RBM20: variants seen among roughly 807,000 people sequenced by gnomAD.
The protein encoded by RBM20 is RNA binding motif protein 20.
RBM20 carries 51 observed loss-of-function variants against 110.1 expected under a neutral mutation model. The ratio of observed to expected loss-of-function variants is 0.46; its 90% CI spans 0.37 to 0.59. The LOEUF (loss-of-function observed/expected upper bound fraction) is 0.59. RBM20 is among the 20% of genes least tolerant of loss of function. The pLI is 0.00. For missense variants in RBM20, 1,512 were observed against 1,574.9 expected (o/e 0.96, Z 0.68); for synonymous variants, 589 against 618.2 (o/e 0.95, Z 0.70).
chr10:110,721,448 C>T (rs566870397), intron 1 of RBM20, among the ~76,000 whole-genome samples: 20 of 152,280 alleles, frequency 1.3e-4, no homozygotes, highest in Admixed American at 1.3e-3. Flanking sequence ...TTGTGAATGC[C>T]GTTTCCCATG....
chr10:110,696,253 C>T (rs1862661887), intron 1 of RBM20, among the ~76,000 whole-genome samples: 1 of 152,194 alleles, frequency 6.6e-6, no homozygotes, highest in Non-Finnish European at 1.5e-5. Context: ...CATTTTAAAT[C>T]TTTAGATGTA....
chr10:110,709,833 A>G (rs1590629896), intron 1 of RBM20, among the ~76,000 whole-genome samples: 1 of 152,112 alleles, frequency 6.6e-6, no homozygotes, highest in Non-Finnish European at 1.5e-5. Context: ...GGCCTCCCAA[A>G]GTTGGGATTA....
intron 8 of RBM20, among the ~76,000 whole-genome samples, chr10:110,812,010 G>A (rs548799418): frequency 6.6e-5 from 10 of 152,198 alleles, no homozygotes; most frequent in Non-Finnish European, 1.5e-4. Flanking sequence ...AATCAGCCCA[G>A]TTCTTCTTCC....
chr10:110,658,749 C>T (rs1862060979), intron 1 of RBM20, among the ~76,000 whole-genome samples: 1 of 152,042 alleles, frequency 6.6e-6, no homozygotes, highest in African/African-American at 2.4e-5. Context: ...AAGGCCTTTC[C>T]AGATCTGCCC....
chr10:110,708,965 C>T (rs945191855), intron 1 of RBM20, among the ~76,000 whole-genome samples: 23 of 152,300 alleles, frequency 1.5e-4, no homozygotes, highest in African/African-American at 4.8e-4. Flanking sequence ...TCCAATTTCA[C>T]GAGGCAGTGA....
chr10:110,736,365 C>T (rs542970837), intron 1 of RBM20, among the ~76,000 whole-genome samples: 4 of 148,272 alleles, frequency 2.7e-5, no homozygotes, highest in Non-Finnish European at 5.9e-5. Context: ...ACTATCTGTG[C>T]GTGTCAAGAC....
At chr10:110,664,970 G>A (rs972430867) in intron 1 of RBM20, among the ~76,000 whole-genome samples, 5 of 151,848 alleles carry the variant, frequency 3.3e-5, no homozygotes, top group Admixed American at 1.3e-4. Flanking sequence ...GGACCCCCTG[G>A]GCTCAAGCCA....
intron 1 of RBM20, among the ~76,000 whole-genome samples, chr10:110,776,176 G>C (rs1443951985): frequency 6.6e-6 from 1 of 152,148 alleles, no homozygotes; most frequent in East Asian, 1.9e-4. Context: ...CATTCCCAGA[G>C]GGTCTTTGGA....
chr10:110,744,220 T>A (rs1286578700), intron 1 of RBM20, among the ~76,000 whole-genome samples: 1 of 152,118 alleles, frequency 6.6e-6, no homozygotes, highest in South Asian at 2.1e-4. Flanking sequence ...CGCCTGTCAA[T>A]CACTGTCAAG....
intron 1 of RBM20, among the ~76,000 whole-genome samples, chr10:110,733,570 C>G (rs1843640435): frequency 6.6e-6 from 1 of 152,192 alleles, no homozygotes; most frequent in Non-Finnish European, 1.5e-5. Flanking sequence ...GGTTCTGTAC[C>G]CTGATTGAGG....
At chr10:110,695,096 C>T (rs1222859430) in intron 1 of RBM20, among the ~76,000 whole-genome samples, 3 of 152,226 alleles carry the variant, frequency 2.0e-5, no homozygotes, top group South Asian at 2.1e-4. Flanking sequence ...ATTTTTGTTA[C>T]GATATCGTCA....
At chr10:110,805,343 C>G (rs901860528) in intron 7 of RBM20, among the ~76,000 whole-genome samples, 1 of 152,080 alleles carries the variant, frequency 6.6e-6, no homozygotes, top group African/African-American at 2.4e-5. Flanking sequence ...GTGATGATGT[C>G]GAGCCTAGAA....
At position 110,799,481 on chromosome 10, in the gene RBM20, A is replaced by G. The variant is rs571381073; in HGVS notation, c.1669-306A>G. On this transcript the variant is annotated intron_variant, in intron 6 of 13. Coordinates refer to ENST00000369519, the MANE Select transcript of RBM20 (RefSeq NM_001134363.3). ...CTTTTAAGTGAGGTATAAAACACAT[A>G]CTCTACAGTGCATAATGTACACTCA... 9.9e-5 allele frequency among the ~76,000 whole-genome samples: 15 copies of G among 152,214 alleles called. No individual in the cohort carries two copies. The South Asian group carries it at 3.1e-3, about 32-fold the overall frequency.
In RBM20 at chr10:110,836,068, TA is replaced by T; in HGVS notation, c.*93del. 1.6e-6 allele frequency: 1 copy of T among 606,336 alleles called. No homozygotes were observed. Among genetic ancestry groups the T allele is most frequent in the Non-Finnish European group, 3.0e-6 (1 of 338,644 alleles). The allele number at this position is 606,336 out of a possible 1,614,324, so 37.6% of individuals were successfully genotyped here. ...GCCTTCCTGATTCTGGGGACAGGACTAAAGCCTGAGAGGAAGGAAAACCAAG... is the reference window on the plus strand; with the variant it reads ...GCCTTCCTGATTCTGGGGACAGGACTAAGCCTGAGAGGAAGGAAAACCAAG... On this transcript the variant is annotated 3_prime_UTR_variant, in exon 14 of 14. Transcript: ENST00000369519.
At chr10:110,796,170 C>T (rs1325228186) in intron 5 of RBM20, among the ~76,000 whole-genome samples, 1 of 152,190 alleles carries the variant, frequency 6.6e-6, no homozygotes, top group Non-Finnish European at 1.5e-5. Flanking sequence ...GAAGAAGGTT[C>T]AGCATGTCTC....
intron 1 of RBM20, among the ~76,000 whole-genome samples, chr10:110,755,427 T>C (rs1016605759): frequency 5.9e-5 from 9 of 152,234 alleles, no homozygotes; most frequent in African/African-American, 1.7e-4. Flanking sequence ...AGTGTTTTTA[T>C]GGTTACTTAC....
At chr10:110,718,893 G>A (rs1423509098) in intron 1 of RBM20, among the ~76,000 whole-genome samples, 1 of 152,118 alleles carries the variant, frequency 6.6e-6, no homozygotes, top group East Asian at 1.9e-4. Context: ...TGGGATTACA[G>A]GCATAAGCCA....
At chr10:110,677,875 G>A (rs914092039) in intron 1 of RBM20, among the ~76,000 whole-genome samples, 2 of 152,166 alleles carry the variant, frequency 1.3e-5, no homozygotes, top group Non-Finnish European at 2.9e-5. Context: ...TTTTACTCGA[G>A]TCAGAGGGGA....
chr10:110,670,695 G>A (rs931823306), intron 1 of RBM20, among the ~76,000 whole-genome samples: 1 of 152,128 alleles, frequency 6.6e-6, no homozygotes, highest in Non-Finnish European at 1.5e-5. Context: ...GTTTCCTTTG[G>A]GATGCTCTTG....
Sources: allele counts gnomAD v4.1 joint callset (sites outside exome capture counted in the v4.1 genomes callset), GRCh38; gene constraint gnomAD v4.1.1; transcripts MANE v1.5; gene names NCBI Gene and HGNC (gene_info 2026-07-23, HGNC 2026-07-21).